The following GAB1 variants were observed in gnomAD, a reference collection of about 807,000 sequenced individuals.
GAB1 encodes the protein GRB2-associated-binding protein 1.
Under a neutral mutation model 66.5 loss-of-function variants are expected in GAB1, and 19 were observed. That is an observed-to-expected ratio of 0.29 (90% CI 0.20 to 0.42). GAB1 has a LOEUF of 0.42. GAB1 is among the 10% of genes least tolerant of loss of function. The pLI is 1.00. For synonymous variants in GAB1, 294 were observed against 301.4 expected, an observed-to-expected ratio of 0.98 and a Z score of 0.25; for missense variants, 732 against 858.5, an observed-to-expected ratio of 0.85 and a Z score of 1.84.
chr4:143,461,313 T>C (rs547955203), intron 8 of GAB1, among the ~76,000 whole-genome samples: 10 of 152,340 alleles, frequency 6.6e-5, no homozygotes, highest in African/African-American at 2.4e-4. Flanking sequence ...TTTCTTTCTT[T>C]CTCATGGAAA....
chr4:143,453,749 C>T (rs1276253073), intron 6 of GAB1, among the ~76,000 whole-genome samples: 1 of 151,986 alleles, frequency 6.6e-6, no homozygotes, highest in Non-Finnish European at 1.5e-5. Context: ...GAACATGAAC[C>T]CTCTCTCTAG....
chr4:143,367,321 A>AT (rs1560721751), intron 1 of GAB1, among the ~76,000 whole-genome samples: 1 of 152,188 alleles, frequency 6.6e-6, no homozygotes, highest in African/African-American at 2.4e-5. Context: ...AATGGACCCA[A>AT]TATCTGGTAG....
chr4:143,338,254 T>G (rs1171975719), intron 1 of GAB1, among the ~76,000 whole-genome samples: 1 of 152,236 alleles, frequency 6.6e-6, no homozygotes, highest in Non-Finnish European at 1.5e-5. Flanking sequence ...GACACTTTTG[T>G]GCTGACATCT....
At position 143,395,896 on chromosome 4, in the gene GAB1, C is replaced by A. The variant is rs766537080; in HGVS notation, c.73-19581C>A. On this transcript the variant is annotated intron_variant, in intron 1 of 9. Coordinates refer to ENST00000262994, the MANE Select transcript of GAB1 (RefSeq NM_002039.4). The stretch of plus-strand genomic sequence containing the variant: ...TCGAGATTGATGGACCGCCCCCCGC[C>A]CCCGGGAGAGCAGCGTAGGAAATTG... 20 of 455,114 alleles carry A rather than the reference C, an allele frequency of 4.4e-5. No homozygotes were observed. In the Middle Eastern group the frequency reaches 1.7e-3, roughly 40 times the overall value. The allele number at this position is 455,114 out of a possible 1,614,324, so 28.2% of individuals were successfully genotyped here.
At chr4:143,432,901 A>G (rs932009280) in intron 2 of GAB1, among the ~76,000 whole-genome samples, 16 of 152,338 alleles carry the variant, frequency 1.1e-4, no homozygotes, top group African/African-American at 3.8e-4. Flanking sequence ...TGGCAAATAA[A>G]GTTATGAGCT....
chr4:143,350,162 T>TA (rs1729143861), intron 1 of GAB1: 2 of 744,362 alleles, frequency 2.7e-6, no homozygotes, highest in Non-Finnish European at 4.4e-6. Flanking sequence ...AAGAAAATAT[T>TA]AAGACACTTT....
intron 1 of GAB1, among the ~76,000 whole-genome samples, chr4:143,361,979 G>A (rs1180373540): frequency 6.6e-6 from 1 of 151,278 alleles, no homozygotes; most frequent in African/African-American, 2.4e-5. Flanking sequence ...GGCTGGTCTT[G>A]AACTCCTGGG....
chr4:143,446,987 G>A (rs548910021), intron 6 of GAB1, among the ~76,000 whole-genome samples: 9 of 152,098 alleles, frequency 5.9e-5, no homozygotes, highest in African/African-American at 1.7e-4. Context: ...TGTAAGGAAG[G>A]GATCCAGTTT....
At chr4:143,415,452 A>C (rs1266835467) in intron 1 of GAB1, 25 bp from the exon 2 acceptor site, 1 of 1,551,416 alleles carries the variant, frequency 6.4e-7, no homozygotes, top group South Asian at 1.2e-5. Flanking sequence ...TTAATACTGA[A>C]TGGATATTTT....
chr4:143,352,466 C>CT (rs1459687378), intron 1 of GAB1, among the ~76,000 whole-genome samples: 2 of 152,190 alleles, frequency 1.3e-5, no homozygotes, highest in African/African-American at 4.8e-5. Context: ...TTCAGATGAT[C>CT]TTAAGATACT....
intron 6 of GAB1, among the ~76,000 whole-genome samples, chr4:143,453,996 A>AT (rs1735057423): frequency 6.6e-6 from 1 of 152,234 alleles, no homozygotes; most frequent in South Asian, 2.1e-4. Flanking sequence ...TAGAGAATGT[A>AT]TTCTAACTTG....
At chr4:143,432,007 AAATGC>A (rs1345280810) in intron 2 of GAB1, among the ~76,000 whole-genome samples, 1 of 152,228 alleles carries the variant, frequency 6.6e-6, no homozygotes, top group African/African-American at 2.4e-5. Flanking sequence ...AAGACAGCTT[AAATGC>A]AAGGCTGTGT....
chr4:143,424,169 C>G (rs769291379), intron 2 of GAB1, among the ~76,000 whole-genome samples: 51 of 152,112 alleles, frequency 3.4e-4, no homozygotes, highest in Non-Finnish European at 6.3e-4. Flanking sequence ...CAGTGAAAAG[C>G]TAGAATTCAT....
intron 2 of GAB1, among the ~76,000 whole-genome samples, chr4:143,419,367 AAGAACT>A: frequency 6.6e-6 from 1 of 150,556 alleles, no homozygotes; most frequent in African/African-American, 2.4e-5. Flanking sequence ...TCTGCTAAAG[AAGAACT>A]AGATAAGCAT....
At chr4:143,422,292 C>T (rs1468590672) in intron 2 of GAB1, among the ~76,000 whole-genome samples, 4 of 152,122 alleles carry the variant, frequency 2.6e-5, no homozygotes, top group Admixed American at 2.0e-4. Flanking sequence ...GACCTGTTTA[C>T]ATTTAATTGT....
At chr4:143,462,869 G>A (rs1480651032) in intron 8 of GAB1, among the ~76,000 whole-genome samples, 6 of 152,032 alleles carry the variant, frequency 3.9e-5, no homozygotes, top group South Asian at 2.1e-4. Flanking sequence ...ATCATGTTGC[G>A]CAGGATGGTC....
Position 143,469,449 on chromosome 4 carries a change from C to T in GAB1, c.*260C>T, listed in dbSNP as rs28924077. On this transcript the variant is annotated 3_prime_UTR_variant, in exon 10 of 10. Coordinates refer to ENST00000262994, the MANE Select transcript of GAB1 (RefSeq NM_002039.4). ...ACATTTGTTCCACAGTTAACACACT[C>T]GTAGTATTACTGTATTTATGCACTT... 31,630 of 374,136 alleles carry T rather than the reference C, an allele frequency of 0.085. 1,629 individuals carry two copies. Among genetic ancestry groups the T allele is most frequent in the Non-Finnish European group, 0.11 (22,747 of 199,852 alleles). 23.2% of individuals were successfully genotyped at this position (374,136 alleles called of 1,614,324 possible).
chr4:143,430,001 A>C (rs181149365), intron 2 of GAB1, among the ~76,000 whole-genome samples: 17 of 152,358 alleles, frequency 1.1e-4, no homozygotes, highest in Admixed American at 1.1e-3. Flanking sequence ...AGCAAAAGTC[A>C]AAAAGGTTAC....
chr4:143,395,001 C>A (rs1303426307), intron 1 of GAB1: 1 of 152,134 alleles, frequency 6.6e-6, no homozygotes, highest in African/African-American at 2.4e-5. Context: ...GGCTTTCAAG[C>A]CTGTACAGCT....
Sources: gnomAD v4.1 joint callset for allele counts (sites outside exome capture counted in the v4.1 genomes callset) on GRCh38, gnomAD v4.1.1 for gene constraint, MANE v1.5 for transcripts, NCBI Gene and HGNC (gene_info 2026-07-23, HGNC 2026-07-21) for gene names.